The following HIVEP3 variants were observed in gnomAD, a reference collection of about 807,000 sequenced individuals.
HIVEP3 encodes the protein HIVEP zinc finger 3.
In HIVEP3, 49 loss-of-function variants were observed where a neutral mutation model predicts 152.8. The observed-to-expected ratio is 0.32, with a 90% CI of 0.26 to 0.41. The LOEUF (loss-of-function observed/expected upper bound fraction) is 0.41. Ranked by LOEUF, HIVEP3 falls within the 10% of genes least tolerant of loss-of-function variation. The probability of loss-of-function intolerance (pLI) is 1.00; values close to 1 mark genes in which losing one functional copy is unlikely to be tolerated. For missense variants in HIVEP3, 2,790 were observed against 3,103.3 expected (o/e 0.90, Z 2.40); for synonymous variants, 1,269 against 1,289.0 (o/e 0.98, Z 0.33).
intron 1 of HIVEP3, among the ~76,000 whole-genome samples, chr1:41,939,439 G>A (rs1274763521): frequency 1.3e-5 from 2 of 152,294 alleles, no homozygotes; most frequent in East Asian, 1.9e-4. Flanking sequence ...GAGAGCCACC[G>A]CAGTCTCTCA....
In HIVEP3 at chr1:42,003,786, C is replaced by CA. The variant is rs112079993; in HGVS notation, n.119+32020dup. 5.1e-3 allele frequency among the ~76,000 whole-genome samples: 529 copies of CA among 104,190 alleles called. 3 individuals carry two copies. Among genetic ancestry groups the CA allele is most frequent in the South Asian group, 0.031 (104 of 3,314 alleles). 68.4% of individuals were successfully genotyped at this position (104,190 alleles called of 152,430 possible). ...TCAATAGGCAAATGTCTTTTTAGGG[C>CA]AAAAAAAAAAAAAAGGCACTCTCGT... On this transcript the variant is annotated intron_variant and non_coding_transcript_variant, in intron 1 of 3. Transcript: ENST00000489103.
chr1:41,876,281 A>T (rs1258939295), intron 1 of HIVEP3, among the ~76,000 whole-genome samples: 1 of 152,162 alleles, frequency 6.6e-6, no homozygotes, highest in Non-Finnish European at 1.5e-5. Flanking sequence ...TGGGTCCTAG[A>T]GAGGCAAAGA....
rs201768228 is a variant in HIVEP3, at chr1:41,961,183, C to A, written n.120-42659G>T. 1.3e-5 allele frequency among the ~76,000 whole-genome samples: 2 copies of A among 152,266 alleles called. 1 individual carries two copies. Among genetic ancestry groups the A allele is most frequent in the African/African-American group, 4.8e-5 (2 of 41,556 alleles). On this transcript the variant is annotated intron_variant and non_coding_transcript_variant, in intron 1 of 3. Transcript: ENST00000489103. ...GTGTGGAAGCTCAAATGAGTTCATG[C>A]GGGGTCCACATGAAAAAGCTGAGAG...
chr1:41,530,034 G>T (rs80026976), intron 5 of HIVEP3, among the ~76,000 whole-genome samples: 1 of 147,352 alleles, frequency 6.8e-6, no homozygotes, highest in Non-Finnish European at 1.5e-5. Context: ...CCACACTCAC[G>T]CTCATACACT....
chr1:41,586,240 G>A (rs1487171204), intron 3 of HIVEP3, among the ~76,000 whole-genome samples: 2 of 152,216 alleles, frequency 1.3e-5, no homozygotes, highest in African/African-American at 2.4e-5. Context: ...CCAGCTGCAA[G>A]CAGGGCAGTC....
intron 1 of HIVEP3, among the ~76,000 whole-genome samples, chr1:41,997,441 AC>A (rs1327904872): frequency 2.0e-5 from 3 of 152,362 alleles, no homozygotes; most frequent in East Asian, 1.9e-4. Flanking sequence ...GGCAAAAGAT[AC>A]GCCATGCAGT....
intron 1 of HIVEP3, among the ~76,000 whole-genome samples, chr1:41,994,413 T>C (rs1177471226): frequency 6.6e-6 from 1 of 152,154 alleles, no homozygotes; most frequent in African/African-American, 2.4e-5. Context: ...AAATCTCATG[T>C]TGAATTGTAA....
intron 1 of HIVEP3, among the ~76,000 whole-genome samples, chr1:41,951,382 T>TA (rs1232294164): frequency 6.6e-6 from 1 of 152,156 alleles, no homozygotes; most frequent in African/African-American, 2.4e-5. Context: ...AATATAAGCC[T>TA]AAATAGTGTT....
intron 6 of HIVEP3, 142 bp downstream of exon 6, chr1:41,524,593 C>T (rs1642847764): frequency 1.2e-5 from 9 of 772,486 alleles, no homozygotes; most frequent in Non-Finnish European, 1.9e-5. Flanking sequence ...CCACTGGGCA[C>T]CAAGCTGGGT....
At chr1:41,586,765 T>C (rs114408141) in intron 3 of HIVEP3, among the ~76,000 whole-genome samples, 1,831 of 152,300 alleles carry the variant, frequency 0.012, 34 homozygotes, top group African/African-American at 0.04. Context: ...TTTGATCTTT[T>C]AGCTAAAAAG....
At chr1:41,866,120 C>T (rs1643967290) in intron 1 of HIVEP3, among the ~76,000 whole-genome samples, 1 of 152,212 alleles carries the variant, frequency 6.6e-6, no homozygotes, top group Non-Finnish European at 1.5e-5. Flanking sequence ...CCACAGTGGA[C>T]TCTCAGGAAT....
intron 1 of HIVEP3, among the ~76,000 whole-genome samples, chr1:42,032,792 G>C (rs957908567): frequency 6.6e-6 from 1 of 152,066 alleles, no homozygotes; most frequent in Non-Finnish European, 1.5e-5. Flanking sequence ...GTCTCAGCCT[G>C]GATCCCCTCA....
intron 1 of HIVEP3, among the ~76,000 whole-genome samples, chr1:41,759,267 A>G (rs1004586001): frequency 1.3e-5 from 2 of 152,074 alleles, no homozygotes; most frequent in African/African-American, 2.4e-5. Flanking sequence ...TATAAGTGGA[A>G]TCACACAATA....
At chr1:41,610,302 GA>G (rs1644879691) in intron 3 of HIVEP3, among the ~76,000 whole-genome samples, 1 of 152,194 alleles carries the variant, frequency 6.6e-6, no homozygotes, top group Non-Finnish European at 1.5e-5. Flanking sequence ...CTGTACCTTA[GA>G]CACTTTGCTG....
intron 1 of HIVEP3, among the ~76,000 whole-genome samples, chr1:41,991,417 C>T (rs371365543): frequency 3.3e-5 from 5 of 151,172 alleles, no homozygotes; most frequent in Non-Finnish European, 5.9e-5. Flanking sequence ...ATAAATTCCT[C>T]GACACATACA....
intron 1 of HIVEP3, among the ~76,000 whole-genome samples, chr1:41,723,785 A>G (rs6600388): frequency 0.18 from 27,278 of 152,102 alleles, 6,059 homozygotes; most frequent in African/African-American, 0.52. Context: ...TGTAGGAGTG[A>G]AACATCTCAG....
At position 41,506,854 on chromosome 1, in the gene HIVEP3, G is replaced by C. The variant is rs1471913396; in HGVS notation, c.*3597C>G. ...AAAAAAGGCAAATATTTATCTTACA[G>C]AGAGCATTGTATTTTACATTTGCCT... On this transcript the variant is annotated 3_prime_UTR_variant, in exon 9 of 9. Transcript: ENST00000372583. 2 of 151,102 alleles carry C rather than the reference G, an allele frequency of 1.3e-5. No homozygotes were observed. The highest frequency in any genetic ancestry group is 4.8e-5 in the African/African-American group (2 of 41,296). 9.4% of individuals were successfully genotyped at this position (151,102 alleles called of 1,614,324 possible). A position where few individuals can be genotyped will look rare whatever the true frequency, so the allele number is the denominator to read the frequency against.
intron 3 of HIVEP3, among the ~76,000 whole-genome samples, chr1:41,596,050 C>A (rs1440413875): frequency 6.6e-6 from 1 of 152,310 alleles, no homozygotes; most frequent in East Asian, 1.9e-4. Flanking sequence ...AATGTGGCCA[C>A]AGGAAATGTT....
intron 1 of HIVEP3, among the ~76,000 whole-genome samples, chr1:41,844,488 G>A (rs1358650073): frequency 1.3e-5 from 2 of 152,176 alleles, no homozygotes; most frequent in Non-Finnish European, 2.9e-5. Context: ...GACGTCATCC[G>A]ATGCCGCTTC....
Sources: allele counts gnomAD v4.1 joint callset (sites outside exome capture counted in the v4.1 genomes callset), GRCh38; gene constraint gnomAD v4.1.1; transcripts MANE v1.5; gene names NCBI Gene and HGNC (gene_info 2026-07-23, HGNC 2026-07-21).